Variants in NFIA observed in about 807,000 individuals in gnomAD.
NFIA encodes nuclear factor I A.
In NFIA, 8 loss-of-function variants were observed where a neutral mutation model predicts 62.8. The ratio of observed to expected loss-of-function variants is 0.13; its 90% CI spans 0.07 to 0.23. The LOEUF is 0.23. NFIA is among the 10% of genes least tolerant of loss of function. The probability of loss-of-function intolerance (pLI) is 1.00; values close to 1 mark genes in which losing one functional copy is unlikely to be tolerated. For missense variants in NFIA, 410 were observed against 642.1 expected (o/e 0.64, Z 3.91); for synonymous variants, 235 against 238.1 (o/e 0.99, Z 0.12).
At chr1:61,115,465 G>A (rs1338449777) in intron 2 of NFIA, among the ~76,000 whole-genome samples, 1 of 152,212 alleles carries the variant, frequency 6.6e-6, no homozygotes, top group South Asian at 2.1e-4. Context: ...GCCAGGGAGA[G>A]AACAGGGTTG....
intron 7 of NFIA, among the ~76,000 whole-genome samples, chr1:61,390,098 C>T (rs74086958): frequency 0.065 from 9,826 of 152,046 alleles, 917 homozygotes; most frequent in African/African-American, 0.2. Context: ...GCACAGGGTG[C>T]GGTAGAAAAT....
chr1:61,160,278 T>C (rs1290114237), intron 2 of NFIA, among the ~76,000 whole-genome samples: 1 of 152,198 alleles, frequency 6.6e-6, no homozygotes, highest in African/African-American at 2.4e-5. Flanking sequence ...TCAGCATCAC[T>C]GGGAAACTTG....
At chr1:61,101,232 C>T (rs1405148534) in intron 2 of NFIA, among the ~76,000 whole-genome samples, 1 of 151,814 alleles carries the variant, frequency 6.6e-6, no homozygotes, top group Non-Finnish European at 1.5e-5. Context: ...TCCGTCTCTA[C>T]TGAAAATACA....
In NFIA at chr1:61,216,211, G is replaced by A. The variant is rs1653614302; in HGVS notation, c.560-61309G>A. On this transcript the variant is annotated intron_variant, in intron 2 of 10. Coordinates refer to ENST00000403491, the MANE Select transcript of NFIA (RefSeq NM_001134673.4). Reference sequence around the variant, plus strand: ...GGTAGTTCACATTTCTGGAAGGGCTGTAAGGTTTGCATAATCGTCCAGTGC... The same window carrying A: ...GGTAGTTCACATTTCTGGAAGGGCTATAAGGTTTGCATAATCGTCCAGTGC... Among the ~76,000 whole-genome samples the A allele has an allele frequency of 2.0e-5, 3 of 152,194 alleles. No homozygotes were observed. The South Asian group carries it at 6.2e-4, about 32-fold the overall frequency.
intron 4 of NFIA, among the ~76,000 whole-genome samples, chr1:61,340,328 A>G (rs1359512455): frequency 6.6e-6 from 1 of 152,254 alleles, no homozygotes; most frequent in Non-Finnish European, 1.5e-5. Flanking sequence ...TCAAGATGGC[A>G]GCATGATATT....
intron 3 of NFIA, among the ~76,000 whole-genome samples, chr1:61,306,368 T>G (rs1659800648): frequency 7.5e-6 from 1 of 132,940 alleles, no homozygotes; most frequent in African/African-American, 2.7e-5. Flanking sequence ...CTCCCCCTCC[T>G]GGGTTCAAGC....
intron 10 of NFIA, among the ~76,000 whole-genome samples, chr1:61,448,291 G>A (rs534634432): frequency 7.9e-5 from 12 of 152,214 alleles, no homozygotes; most frequent in Admixed American, 2.6e-4. Flanking sequence ...TTTTAATATC[G>A]CAATTAAAGA....
At chr1:61,318,335 T>A (rs1458847638) in intron 3 of NFIA, among the ~76,000 whole-genome samples, 1 of 152,160 alleles carries the variant, frequency 6.6e-6, no homozygotes, top group East Asian at 1.9e-4. Flanking sequence ...GACCCCGGCA[T>A]GTTGGAATCC....
intron 2 of NFIA, among the ~76,000 whole-genome samples, chr1:61,218,457 C>A (rs1436333398): frequency 1.3e-5 from 2 of 152,186 alleles, no homozygotes; most frequent in Admixed American, 1.3e-4. Flanking sequence ...AAGTTCCTCA[C>A]AGTCAGTCCT....
chr1:61,427,095 G>C (rs72915747), intron 10 of NFIA, among the ~76,000 whole-genome samples: 136 of 152,252 alleles, frequency 8.9e-4, no homozygotes, highest in African/African-American at 3.1e-3. Flanking sequence ...GACCACTGGG[G>C]AGCAAGGTGC....
At chr1:61,304,506 A>C (rs907106207) in intron 3 of NFIA, among the ~76,000 whole-genome samples, 1 of 152,186 alleles carries the variant, frequency 6.6e-6, no homozygotes, top group Non-Finnish European at 1.5e-5. Context: ...TGGGGAGTTT[A>C]TAGTTGGGAT....
chr1:61,462,695 G>A lies in NFIA; in HGVS notation c.*7375G>A, dbSNP rs553241831. 2.0e-5 allele frequency: 3 copies of A among 152,300 alleles called. No individual in the cohort carries two copies. In the South Asian group the frequency reaches 6.2e-4, roughly 32 times the overall value. 9.4% of individuals were successfully genotyped at this position (152,300 alleles called of 1,614,324 possible). On this transcript the variant is annotated 3_prime_UTR_variant, in exon 11 of 11. Transcript: ENST00000403491. ...TTAACTCTTGTATTCAACCATTAGT[G>A]CTACCACCTTCTCACATTACAATAC...
intron 3 of NFIA, among the ~76,000 whole-genome samples, chr1:61,320,507 CGT>C (rs1660625429): frequency 6.6e-6 from 1 of 152,014 alleles, no homozygotes; most frequent in African/African-American, 2.4e-5. Flanking sequence ...TATTTGGAGA[CGT>C]ATATAATAGT....
chr1:61,445,483 A>G (rs1299834007), intron 10 of NFIA, among the ~76,000 whole-genome samples: 1 of 151,848 alleles, frequency 6.6e-6, no homozygotes, highest in Non-Finnish European at 1.5e-5. Flanking sequence ...TAAAAAAAAA[A>G]TGCTATCATT....
chr1:61,338,266 G>A (rs1023463917), intron 4 of NFIA, among the ~76,000 whole-genome samples: 4 of 152,150 alleles, frequency 2.6e-5, no homozygotes, highest in East Asian at 1.9e-4. Context: ...ATTAAAATCC[G>A]GCAGCTGAAT....
intron 3 of NFIA, among the ~76,000 whole-genome samples, chr1:61,323,563 A>G (rs1043409015): frequency 1.3e-5 from 2 of 152,226 alleles, no homozygotes; most frequent in Admixed American, 1.3e-4. Flanking sequence ...CGTATCTCAA[A>G]TGTCACCAAT....
chr1:61,134,617 A>C (rs1019132466), intron 2 of NFIA, among the ~76,000 whole-genome samples: 1 of 152,220 alleles, frequency 6.6e-6, no homozygotes, highest in Non-Finnish European at 1.5e-5. Flanking sequence ...TGAAGTATTT[A>C]TTAGTTGTTA....
chr1:61,172,429 C>T (rs1650031379), intron 2 of NFIA, among the ~76,000 whole-genome samples: 1 of 152,174 alleles, frequency 6.6e-6, no homozygotes, highest in Non-Finnish European at 1.5e-5. Flanking sequence ...AGGATAAAGC[C>T]AGCCTGTTGA....
chr1:61,228,668 A>G (rs1037117253), intron 2 of NFIA, among the ~76,000 whole-genome samples: 2 of 151,702 alleles, frequency 1.3e-5, no homozygotes, highest in African/African-American at 4.9e-5. Flanking sequence ...CCTGGTAGAA[A>G]TACTGGGCTT....
Sources: gnomAD v4.1 joint callset for allele counts (sites outside exome capture counted in the v4.1 genomes callset) on GRCh38, gnomAD v4.1.1 for gene constraint, MANE v1.5 for transcripts, NCBI Gene and HGNC (gene_info 2026-07-23, HGNC 2026-07-21) for gene names.